NLRP5: variants seen among roughly 807,000 people sequenced by gnomAD.
NLRP5 encodes the protein NLR family pyrin domain containing 5.
NLRP5 carries 93 observed loss-of-function variants against 113.1 expected under a neutral mutation model. That is an observed-to-expected ratio of 0.82 (90% CI 0.70 to 0.98). NLRP5 has a LOEUF of 0.98. NLRP5 is among the 50% of genes least tolerant of loss of function. The pLI is 0.00. For missense variants in NLRP5, 1,808 were observed against 1,514.3 expected (o/e 1.19, Z -3.22); for synonymous variants, 751 against 600.7 (o/e 1.25, Z -3.66).
Position 56,041,039 on chromosome 19 carries a change from A to G in NLRP5, c.2904A>G (p.Val968=), listed in dbSNP as rs1983503472. ...ACAACAGCCTGGGGAACGAAGGTGTAAATCTACTGTGTCGATCCATGAGGC... is the reference window on the plus strand; with the variant it reads ...ACAACAGCCTGGGGAACGAAGGTGTGAATCTACTGTGTCGATCCATGAGGC... Residue 968 remains valine (V), a synonymous_variant, in exon 11 of 15, where the codon GTA becomes GTG. Coordinates refer to ENST00000390649, the MANE Select transcript of NLRP5 (RefSeq NM_153447.4). 1 of 1,614,008 alleles carries G rather than the reference A, an allele frequency of 6.2e-7. No individual in the cohort carries two copies. Among genetic ancestry groups the G allele is most frequent in the Middle Eastern group, 1.6e-4 (1 of 6,062 alleles).
intron 12 of NLRP5, among the ~76,000 whole-genome samples, chr19:56,052,333 A>G (rs528595005): frequency 3.3e-5 from 5 of 152,034 alleles, no homozygotes; most frequent in African/African-American, 4.8e-5. Context: ...CAATAGCGCA[A>G]TCTCAGTTCC....
intron 11 of NLRP5, among the ~76,000 whole-genome samples, chr19:56,046,657 C>T (rs927060975): frequency 3.9e-5 from 6 of 152,072 alleles, no homozygotes; most frequent in Non-Finnish European, 5.9e-5. Flanking sequence ...TCTCCTGCCT[C>T]AGCCTCCCTA....
chr19:55,988,444 G>GTATATATATATATA, the NLRP5 span: 72 of 106,480 alleles, frequency 6.8e-4, no homozygotes, highest in African/African-American at 1.5e-3. Context: ...ATGTGTGTGT[G>GTATATATATATATA]TATATATATA....
chr19:56,016,903 G>T lies in NLRP5; in HGVS notation c.565+1105G>T, dbSNP rs184742356. 6.6e-5 allele frequency among the ~76,000 whole-genome samples: 10 copies of T among 152,202 alleles called. No homozygotes were observed. The East Asian group carries it at 1.9e-3, about 29-fold the overall frequency. ...AGCTCACTGCAAGCTCCGCCTCCTGGGTTCAAGTGATTCTCCTGCCTCAGC... is the reference window on the plus strand; with the variant it reads ...AGCTCACTGCAAGCTCCGCCTCCTGTGTTCAAGTGATTCTCCTGCCTCAGC... On this transcript the variant is annotated intron_variant, in intron 4 of 14. Coordinates refer to ENST00000390649, the MANE Select transcript of NLRP5 (RefSeq NM_153447.4).
chr19:55,990,308 C>G, the NLRP5 span, among the ~76,000 whole-genome samples: 1 of 151,590 alleles, frequency 6.6e-6, no homozygotes, highest in Non-Finnish European at 1.5e-5. Context: ...AGGCTAGTCT[C>G]GAACTCCTGA....
chr19:55,987,180 C>G, the NLRP5 span, among the ~76,000 whole-genome samples: 1 of 152,162 alleles, frequency 6.6e-6, no homozygotes, highest in East Asian at 1.9e-4. Context: ...ACCAGCCTGG[C>G]CAACATGGTG....
chr19:56,024,565 A>T (rs1982762291), intron 6 of NLRP5, among the ~76,000 whole-genome samples: 1 of 137,530 alleles, frequency 7.3e-6, no homozygotes. Flanking sequence ...ATATATGTAT[A>T]TATACACATA....
At chr19:56,047,803 C>T (rs1983783255) in intron 11 of NLRP5, among the ~76,000 whole-genome samples, 2 of 152,090 alleles carry the variant, frequency 1.3e-5, no homozygotes, top group African/African-American at 4.8e-5. Flanking sequence ...ATGACCTGTC[C>T]AGTGCTGTTA....
At chr19:56,002,615 C>CT (rs1468413704) in intron 1 of NLRP5, among the ~76,000 whole-genome samples, 1 of 149,646 alleles carries the variant, frequency 6.7e-6, no homozygotes, top group Non-Finnish European at 1.5e-5. Context: ...TCGCTCCCCC[C>CT]TCCCCCAACC....
At chr19:56,046,399 CGTGTGTGT>C (rs139653516) in intron 11 of NLRP5, among the ~76,000 whole-genome samples, 127 of 148,182 alleles carry the variant, frequency 8.6e-4, no homozygotes, top group African/African-American at 2.8e-3. Context: ...TTTGTAGTTT[CGTGTGTGT>C]GTGTGTGTGT....
rs71183002 is a variant in NLRP5 at position 56,013,596 on chromosome 19, G to GTTTTTTTTTTTTTTTTT, written c.509-2141_509-2125dup. Among the ~76,000 whole-genome samples the GTTTTTTTTTTTTTTTTT allele has an allele frequency of 1.7e-3, 102 of 59,264 alleles. 14 individuals carry two copies. The highest frequency in any genetic ancestry group is 3.6e-3 in the African/African-American group (42 of 11,536). The allele number at this position is 59,264 out of a possible 152,430, so 38.9% of individuals were successfully genotyped here. A position where few individuals can be genotyped will look rare whatever the true frequency, so the allele number is the denominator to read the frequency against. On this transcript the variant is annotated intron_variant, in intron 3 of 14. Transcript: ENST00000390649. ...CATTTATCACATGATGGACATTTGGGTTTTTTTTTTTTTTTTTTTTTGCTA... is the reference window on the plus strand; with the variant it reads ...CATTTATCACATGATGGACATTTGGGTTTTTTTTTTTTTTTTTTTTTTTTTTTTTTTTTTTTTTGCTA...
At chr19:56,055,380 C>A (rs1435380508) in intron 13 of NLRP5, among the ~76,000 whole-genome samples, 1 of 151,806 alleles carries the variant, frequency 6.6e-6, no homozygotes, top group African/African-American at 2.4e-5. Flanking sequence ...TCTACGTGGT[C>A]ATGTCCCTTC....
chr19:56,019,313 G>A (rs2123291890), intron 4 of NLRP5, 29 bp from the exon 5 acceptor site: 5 of 1,613,638 alleles, frequency 3.1e-6, no homozygotes, highest in Admixed American at 1.7e-5. Context: ...ATAAACACAA[G>A]TATGTTGGAA....
At chr19:56,055,572 G>T (rs1388058910) in intron 13 of NLRP5, among the ~76,000 whole-genome samples, 12 of 65,854 alleles carry the variant, frequency 1.8e-4, no homozygotes, top group African/African-American at 3.9e-4. Flanking sequence ...TTAAGATAGA[G>T]TCTTGCTCTG....
chr19:56,019,484 T>C, intron 5 of NLRP5, 86 bp downstream of exon 5: 1 of 1,434,188 alleles, frequency 7.0e-7, no homozygotes, highest in Non-Finnish European at 9.7e-7. Context: ...TTCAAGGGTA[T>C]GTAGTTTAGA....
At chr19:56,011,162 T>C (rs183728640) in intron 3 of NLRP5, among the ~76,000 whole-genome samples, 163 of 137,464 alleles carry the variant, frequency 1.2e-3, no homozygotes, top group Middle Eastern at 7.4e-3. Context: ...TTAAAAAATA[T>C]ATATACACAC....
intron 4 of NLRP5, among the ~76,000 whole-genome samples, chr19:56,017,382 TA>T (rs1197101277): frequency 1.1e-5 from 1 of 87,860 alleles, no homozygotes; most frequent in Non-Finnish European, 2.2e-5. Flanking sequence ...GGTGGGAAGT[TA>T]TATTATATTT....
intron 11 of NLRP5, among the ~76,000 whole-genome samples, chr19:56,048,010 C>T (rs1316698040): frequency 2.0e-5 from 3 of 152,112 alleles, no homozygotes; most frequent in South Asian, 4.1e-4. Context: ...GTTGCTTTAA[C>T]GTTTGTTTCA....
Position 56,040,942 on chromosome 19 carries a change from C to G in NLRP5, c.2807C>G (p.Thr936Arg), listed in dbSNP as rs762511707. 1.9e-6 allele frequency: 3 copies of G among 1,613,856 alleles called. No individual in the cohort carries two copies. Among genetic ancestry groups the G allele is most frequent in the South Asian group, 2.2e-5 (2 of 91,074 alleles). ...TGCAGACTGGAGGACTGTGGCATCA[C>G]AGCCACGGGTTGCCAGAGTCTGGCC... The change falls in exon 11 of 15, where the codon ACA (threonine) becomes AGA (arginine). Residue 936 changes from threonine (T) to arginine (R), a missense_variant. Coordinates refer to ENST00000390649, the MANE Select transcript of NLRP5 (RefSeq NM_153447.4).
Sources: allele counts gnomAD v4.1 joint callset (sites outside exome capture counted in the v4.1 genomes callset), GRCh38; gene constraint gnomAD v4.1.1; transcripts MANE v1.5; gene names NCBI Gene and HGNC (gene_info 2026-07-23, HGNC 2026-07-21).